The following GABRG3 variants were observed in gnomAD, a reference collection of about 807,000 sequenced individuals.
GABRG3 encodes the protein gamma-aminobutyric acid receptor subunit gamma-3.
Under a neutral mutation model 48.8 loss-of-function variants are expected in GABRG3, and 25 were observed. The observed-to-expected ratio is 0.51, with a 90% CI of 0.37 to 0.72. The LOEUF (loss-of-function observed/expected upper bound fraction) is 0.72. Ranked by LOEUF, GABRG3 falls within the 30% of genes least tolerant of loss-of-function variation. The pLI, the probability that GABRG3 is intolerant of heterozygous loss-of-function variation, is 0.00. For missense variants in GABRG3, 394 were observed against 577.9 expected, an observed-to-expected ratio of 0.68 and a Z score of 3.26; for synonymous variants, 227 against 217.6, an observed-to-expected ratio of 1.04 and a Z score of -0.38.
intron 5 of GABRG3, among the ~76,000 whole-genome samples, chr15:27,442,669 G>T (rs1004150841): frequency 2.0e-5 from 3 of 152,176 alleles, no homozygotes; most frequent in Non-Finnish European, 4.4e-5. Flanking sequence ...ATATTCTGCC[G>T]TGTCTTCTAG....
chr15:26,989,067 C>T (rs557331328), intron 2 of GABRG3, among the ~76,000 whole-genome samples: 2 of 152,258 alleles, frequency 1.3e-5, no homozygotes, highest in South Asian at 2.1e-4. Context: ...GTAGTCACTC[C>T]ACATTATCCT....
intron 3 of GABRG3, among the ~76,000 whole-genome samples, chr15:27,218,297 T>A (rs1199419185): frequency 6.6e-6 from 1 of 152,172 alleles, no homozygotes. Context: ...CACCCAGCCC[T>A]GTTGTCAACG....
intron 5 of GABRG3, among the ~76,000 whole-genome samples, chr15:27,477,292 T>A (rs964685525): frequency 3.3e-5 from 5 of 152,090 alleles, no homozygotes; most frequent in Admixed American, 2.6e-4. Flanking sequence ...AGGGAAAAAA[T>A]TAAATGCATA....
At chr15:27,346,094 GAA>G (rs1894360218) in intron 5 of GABRG3, among the ~76,000 whole-genome samples, 1 of 139,706 alleles carries the variant, frequency 7.2e-6, no homozygotes, top group African/African-American at 2.6e-5. Context: ...GAGAAAGAAA[GAA>G]AGGAAAGAAA....
chr15:27,394,187 T>TA (rs1289143228), intron 5 of GABRG3, among the ~76,000 whole-genome samples: 1 of 152,200 alleles, frequency 6.6e-6, no homozygotes, highest in Non-Finnish European at 1.5e-5. Context: ...TCTTGTGTAT[T>TA]AAATATGTGT....
chr15:27,014,294 A>T (rs1595472664), intron 2 of GABRG3, among the ~76,000 whole-genome samples: 1 of 146,874 alleles, frequency 6.8e-6, no homozygotes, highest in African/African-American at 2.5e-5. Flanking sequence ...TTCCTATTTC[A>T]TTTATCTCTG....
At chr15:27,080,786 G>T (rs1896980315) in intron 3 of GABRG3, among the ~76,000 whole-genome samples, 1 of 152,174 alleles carries the variant, frequency 6.6e-6, no homozygotes, top group Admixed American at 6.6e-5. Flanking sequence ...CCATCCAGAG[G>T]CAAGTCTCTT....
At chr15:27,494,932 T>C (rs779894387) in intron 6 of GABRG3, among the ~76,000 whole-genome samples, 1 of 152,190 alleles carries the variant, frequency 6.6e-6, no homozygotes, top group Non-Finnish European at 1.5e-5. Context: ...AGATTATTGA[T>C]TTCAGACTTT....
At chr15:27,485,318 A>G (rs1455000059) in intron 6 of GABRG3, among the ~76,000 whole-genome samples, 1 of 152,218 alleles carries the variant, frequency 6.6e-6, no homozygotes, top group East Asian at 1.9e-4. Context: ...AGGAAAGGCA[A>G]ATGGACTCTA....
intron 5 of GABRG3, among the ~76,000 whole-genome samples, chr15:27,445,963 G>T (rs1032546667): frequency 7.9e-5 from 12 of 151,990 alleles, no homozygotes; most frequent in Admixed American, 1.3e-4. Flanking sequence ...GTAAATAAGA[G>T]GATTTATTTG....
chr15:27,086,390 G>C (rs957965610), intron 3 of GABRG3, among the ~76,000 whole-genome samples: 1 of 152,058 alleles, frequency 6.6e-6, no homozygotes. Flanking sequence ...TGTGTCACTC[G>C]GGCACGTCTC....
chr15:27,230,740 G>T (rs909912849), intron 3 of GABRG3, among the ~76,000 whole-genome samples: 5 of 152,040 alleles, frequency 3.3e-5, no homozygotes, highest in Non-Finnish European at 1.5e-5. Flanking sequence ...CTTCTATTGT[G>T]ATCTACTTAT....
intron 5 of GABRG3, among the ~76,000 whole-genome samples, chr15:27,424,552 CTTT>C (rs534239781): frequency 2.2e-5 from 3 of 133,584 alleles, no homozygotes; most frequent in Non-Finnish European, 4.8e-5. Context: ...AAGGTTTCAC[CTTT>C]TTTTTTTTTT....
At chr15:27,208,682 G>C (rs1245022187) in intron 3 of GABRG3, 1 of 152,662 alleles carries the variant, frequency 6.6e-6, no homozygotes, top group Non-Finnish European at 1.5e-5. Flanking sequence ...GCAAGGGGGA[G>C]TCTGGCAGGC....
At chr15:27,287,308 A>G (rs1268805550) in intron 3 of GABRG3, among the ~76,000 whole-genome samples, 2 of 152,206 alleles carry the variant, frequency 1.3e-5, no homozygotes, top group Non-Finnish European at 2.9e-5. Context: ...AAAGGTATGG[A>G]CCAGGGATTT....
Position 27,236,247 on chromosome 15 carries a change from A to C in GABRG3, c.271-90562A>C, listed in dbSNP as rs1889962779. On this transcript the variant is annotated intron_variant, in intron 3 of 9. Transcript: ENST00000615808. This position sits in a 1 kb window ranked among gnomAD's most constrained non-coding sequence, Gnocchi z 4.4. ...GAGACTCTGATGTGCTCAGCGCTAC[A>C]TGAGTGAAGTCCCTCAGTCTCCCAG... 6.6e-6 allele frequency among the ~76,000 whole-genome samples: 1 copy of C among 152,172 alleles called. No individual in the cohort carries two copies.
At chr15:27,376,097 C>G (rs112912728) in intron 5 of GABRG3, among the ~76,000 whole-genome samples, 2 of 152,144 alleles carry the variant, frequency 1.3e-5, no homozygotes, top group African/African-American at 2.4e-5. Flanking sequence ...GGCTACAGAC[C>G]CTATTCAAGT....
intron 3 of GABRG3, among the ~76,000 whole-genome samples, chr15:27,305,464 T>TTG (rs1267594686): frequency 5.4e-5 from 8 of 148,254 alleles, no homozygotes; most frequent in South Asian, 2.1e-4. Context: ...TATATATGGA[T>TTG]TGTGTGTGTG....
chr15:27,003,880 G>A (rs1174430879), intron 2 of GABRG3, among the ~76,000 whole-genome samples: 2 of 147,372 alleles, frequency 1.4e-5, no homozygotes, highest in South Asian at 2.2e-4. Flanking sequence ...CCTCCCAGAC[G>A]GGGCGGCTGG....
Sources: gnomAD v4.1 joint callset for allele counts (sites outside exome capture counted in the v4.1 genomes callset) on GRCh38, gnomAD v4.1.1 for gene constraint, Gnocchi (gnomAD v3.1) non-coding constraint, MANE v1.5 for transcripts, NCBI Gene and HGNC (gene_info 2026-07-23, HGNC 2026-07-21) for gene names.